The following MGST1 variants were observed in gnomAD, a reference collection of about 807,000 sequenced individuals.
MGST1 encodes the protein microsomal glutathione S-transferase 1.
MGST1 carries 5 observed loss-of-function variants against 8.9 expected under a neutral mutation model. The ratio of observed to expected loss-of-function variants is 0.56; its 90% CI spans 0.29 to 1.19. The LOEUF (loss-of-function observed/expected upper bound fraction) is 1.19, where lower values mean the gene tolerates loss of function less well. Among genes scored for constraint, MGST1 ranks in the 50% most tolerant of loss-of-function variants. MGST1 has a pLI of 0.08. For missense variants in MGST1, 182 were observed against 187.4 expected, an observed-to-expected ratio of 0.97 and a Z score of 0.17; for synonymous variants, 54 against 67.8, an observed-to-expected ratio of 0.80 and a Z score of 1.00.
At chr12:16,372,425 A>G (rs58297800) in intron 3 of MGST1, among the ~76,000 whole-genome samples, 4,939 of 152,178 alleles carry the variant, frequency 0.032, 227 homozygotes, top group African/African-American at 0.096. Context: ...GTATATGAAA[A>G]AACACACAAC....
chr12:16,446,554 C>T (rs1180967604), intron 4 of MGST1, among the ~76,000 whole-genome samples: 2 of 151,866 alleles, frequency 1.3e-5, no homozygotes, highest in African/African-American at 2.4e-5. Context: ...TCCACAACTC[C>T]CAGAAAGTTA....
At chr12:16,452,515 A>T in intron 4 of MGST1, among the ~76,000 whole-genome samples, 1 of 151,822 alleles carries the variant, frequency 6.6e-6, no homozygotes, top group East Asian at 1.9e-4. Flanking sequence ...CTACTAAAGA[A>T]TACAACAGAG....
chr12:16,513,791 C>T lies in MGST1; in HGVS notation n.483-75737C>T. ...GTGCAGACCATTTCTGGAACTAGTG[C>T]CTTAAGGATCAGAGCTAGTTTTCTG... On this transcript the variant is annotated intron_variant and non_coding_transcript_variant, in intron 4 of 4. Transcript: ENST00000538857. This position sits in a 1 kb window ranked among gnomAD's most constrained non-coding sequence, Gnocchi z 4.2. 1 of 600,642 alleles carries T rather than the reference C, an allele frequency of 1.7e-6. No individual in the cohort carries two copies. Among genetic ancestry groups the T allele is most frequent in the Non-Finnish European group, 3.3e-6 (1 of 304,592 alleles). The allele number at this position is 600,642 out of a possible 1,614,324, so 37.2% of individuals were successfully genotyped here.
At chr12:16,441,974 T>C (rs1941043102), downstream of MGST1, among the ~76,000 whole-genome samples, 1 of 151,864 alleles carries the variant, frequency 6.6e-6, no homozygotes, top group African/African-American at 2.4e-5. Flanking sequence ...CAGCAGCATT[T>C]GGTGCTGTCA....
chr12:16,443,768 G>T (rs1412388519), intron 4 of MGST1, among the ~76,000 whole-genome samples: 1 of 151,660 alleles, frequency 6.6e-6, no homozygotes, highest in Admixed American at 6.6e-5. Flanking sequence ...CCATTCCAGG[G>T]TACTTTATTT....
chr12:16,472,977 A>G, intron 4 of MGST1, among the ~76,000 whole-genome samples: 1 of 152,200 alleles, frequency 6.6e-6, no homozygotes, highest in South Asian at 2.1e-4. Flanking sequence ...AGGCAAAAAG[A>G]ACTTTCTCAG....
chr12:16,591,548 A>T (rs1453743880), downstream of MGST1, among the ~76,000 whole-genome samples: 3 of 147,820 alleles, frequency 2.0e-5, no homozygotes, highest in Non-Finnish European at 4.5e-5. This position sits in a 1 kb window ranked among gnomAD's most constrained non-coding sequence, Gnocchi z 4.1. Flanking sequence ...TTTAGTGCTT[A>T]TGTCAAGGCC....
At chr12:16,558,418 T>C (rs1206387650) in intron 4 of MGST1, among the ~76,000 whole-genome samples, 1 of 152,068 alleles carries the variant, frequency 6.6e-6, no homozygotes, top group South Asian at 2.1e-4. Context: ...TATTAGTTGA[T>C]CAACATGACA....
intron 4 of MGST1, among the ~76,000 whole-genome samples, chr12:16,577,303 T>C (rs1258507221): frequency 6.6e-6 from 1 of 152,180 alleles, no homozygotes; most frequent in Non-Finnish European, 1.5e-5. Flanking sequence ...TCTCCTAAAT[T>C]TCCTTTTCAG....
At chr12:16,463,047 G>A (rs1195452216) in intron 4 of MGST1, among the ~76,000 whole-genome samples, 3 of 152,048 alleles carry the variant, frequency 2.0e-5, no homozygotes, top group Non-Finnish European at 1.5e-5. Flanking sequence ...AACTTAAAGG[G>A]TAGTTGAGCA....
At chr12:16,403,032 T>C (rs1940672015) in intron 1 of MGST1, among the ~76,000 whole-genome samples, 1 of 151,694 alleles carries the variant, frequency 6.6e-6, no homozygotes, top group Non-Finnish European at 1.5e-5. Flanking sequence ...TAATCATTTT[T>C]ATCCTTTAAA....
rs896284323 is a variant in MGST1 at position 16,517,241 on chromosome 12, C to T, written n.483-72287C>T. Among the ~76,000 whole-genome samples, 1 of 152,068 alleles carries T rather than the reference C, an allele frequency of 6.6e-6. No homozygotes were observed. The highest frequency in any genetic ancestry group is 2.4e-5 in the African/African-American group (1 of 41,384). ...GCAGGTGCTATGATTTGAATGTGTC[C>T]CTCCAAGTTCATGTGTTGAAAATTT... On this transcript the variant is annotated intron_variant and non_coding_transcript_variant, in intron 4 of 4. Transcript: ENST00000538857. This position sits in a 1 kb window ranked among gnomAD's most constrained non-coding sequence, Gnocchi z 4.2.
At chr12:16,405,552 C>T (rs973249881) in intron 1 of MGST1, among the ~76,000 whole-genome samples, 3 of 152,120 alleles carry the variant, frequency 2.0e-5, no homozygotes, top group East Asian at 1.9e-4. Flanking sequence ...GGACTCCTCT[C>T]CAACTCATTC....
At chr12:16,443,318 G>A (rs944575318), downstream of MGST1, among the ~76,000 whole-genome samples, 2 of 151,686 alleles carry the variant, frequency 1.3e-5, no homozygotes, top group African/African-American at 4.8e-5. Flanking sequence ...GTTTTAGTAG[G>A]AATGTTTAGT....
At chr12:16,420,951 A>G (rs1421486473) in intron 1 of MGST1, among the ~76,000 whole-genome samples, 2 of 152,160 alleles carry the variant, frequency 1.3e-5, no homozygotes, top group Non-Finnish European at 2.9e-5. Context: ...GAGTTGCCTG[A>G]GAATGGTTAG....
intron 1 of MGST1, among the ~76,000 whole-genome samples, chr12:16,402,580 C>CT (rs1221351962): frequency 6.6e-6 from 1 of 151,932 alleles, no homozygotes; most frequent in African/African-American, 2.4e-5. Flanking sequence ...GTACCATTTT[C>CT]TTTTTTTTCT....
At chr12:16,450,593 C>T (rs1393715571) in intron 4 of MGST1, among the ~76,000 whole-genome samples, 3 of 151,890 alleles carry the variant, frequency 2.0e-5, no homozygotes, top group East Asian at 1.9e-4. Context: ...AACTCAGAAT[C>T]GCACTAGTGT....
downstream of MGST1, among the ~76,000 whole-genome samples, chr12:16,368,892 T>C (rs2066946656): frequency 1.3e-5 from 2 of 152,156 alleles, no homozygotes; most frequent in Non-Finnish European, 2.9e-5. Flanking sequence ...ATATAGACTC[T>C]GATATACCAC....
intron 1 of MGST1, chr12:16,400,039 A>G (rs1940641049): frequency 2.5e-6 from 4 of 1,574,546 alleles, no homozygotes; most frequent in East Asian, 4.5e-5. Context: ...AGGCACTTCA[A>G]ATTCCAGTTC....
Sources: gnomAD v4.1 joint callset for allele counts (sites outside exome capture counted in the v4.1 genomes callset) on GRCh38, gnomAD v4.1.1 for gene constraint, Gnocchi (gnomAD v3.1) non-coding constraint, MANE v1.5 for transcripts, NCBI Gene and HGNC (gene_info 2026-07-23, HGNC 2026-07-21) for gene names.